The following PMS1 variants were observed in gnomAD, a reference collection of about 807,000 sequenced individuals.
PMS1 encodes the protein PMS1 homolog 1, mismatch repair system component, also known as PMS1 protein homolog 1.
Under a neutral mutation model 93.1 loss-of-function variants are expected in PMS1, and 79 were observed. The ratio of observed to expected loss-of-function variants is 0.85; its 90% CI spans 0.71 to 1.02. PMS1 has a LOEUF of 1.02. Ranked by LOEUF, PMS1 falls within the 50% of genes least tolerant of loss-of-function variation. The pLI is 0.00. For missense variants in PMS1, 1,064 were observed against 1,085.3 expected (o/e 0.98, Z 0.28); for synonymous variants, 335 against 363.4 (o/e 0.92, Z 0.89).
At chr2:189,817,780 A>G (rs2051455402) in intron 4 of PMS1, among the ~76,000 whole-genome samples, 3 of 152,200 alleles carry the variant, frequency 2.0e-5, no homozygotes, top group Admixed American at 1.3e-4. Flanking sequence ...TGATAGAAGT[A>G]AGATTATACT....
chr2:189,831,977 C>T (rs546066872), intron 5 of PMS1, among the ~76,000 whole-genome samples: 3 of 152,110 alleles, frequency 2.0e-5, no homozygotes, highest in Admixed American at 6.5e-5. Flanking sequence ...ATGATCCTCC[C>T]GCCTCGGCCT....
chr2:189,876,738 G>C (rs1324986858), intron 12 of PMS1, among the ~76,000 whole-genome samples: 1 of 150,770 alleles, frequency 6.6e-6, no homozygotes, highest in African/African-American at 2.4e-5. Flanking sequence ...CTCCCATGTA[G>C]CTGGGACTAC....
intron 2 of PMS1, among the ~76,000 whole-genome samples, chr2:189,795,035 C>G (rs1416835361): frequency 6.6e-6 from 1 of 152,136 alleles, no homozygotes; most frequent in Non-Finnish European, 1.5e-5. Context: ...GCATTCAAGG[C>G]TACAGTGAGC....
chr2:189,827,001 T>A (rs1436456154), intron 5 of PMS1, among the ~76,000 whole-genome samples: 1 of 152,214 alleles, frequency 6.6e-6, no homozygotes, highest in Admixed American at 6.5e-5. Context: ...TTTTCACTTG[T>A]ATTCACATAT....
intron 9 of PMS1, among the ~76,000 whole-genome samples, chr2:189,863,157 G>C (rs1279725441): frequency 6.6e-6 from 1 of 151,670 alleles, no homozygotes; most frequent in Non-Finnish European, 1.5e-5. Context: ...CCTGCTTTTG[G>C]CTGTTCTTCA....
chr2:189,829,018 T>C (rs1185317696), intron 5 of PMS1, among the ~76,000 whole-genome samples: 1 of 152,178 alleles, frequency 6.6e-6, no homozygotes, highest in Admixed American at 6.5e-5. Flanking sequence ...CACCTCCCCT[T>C]TTACCTTTAT....
chr2:189,875,954 TCAAA>T (rs2057526105), intron 12 of PMS1, among the ~76,000 whole-genome samples: 1 of 42,284 alleles, frequency 2.4e-5, no homozygotes, highest in Admixed American at 3.3e-4. Flanking sequence ...AGACTCTGTC[TCAAA>T]AAAAAAAAAA....
intron 1 of PMS1, chr2:189,785,511 G>A (rs942926778): frequency 4.6e-5 from 7 of 152,148 alleles, no homozygotes; most frequent in African/African-American, 1.7e-4. Flanking sequence ...TACACATATG[G>A]TATAGAGTGC....
intron 10 of PMS1, among the ~76,000 whole-genome samples, chr2:189,866,211 G>T (rs2056643880): frequency 6.6e-6 from 1 of 152,078 alleles, no homozygotes; most frequent in Non-Finnish European, 1.5e-5. Flanking sequence ...TTTCTGAATG[G>T]CATTTTGTAA....
In PMS1 at chr2:189,843,960, C is replaced by G. The variant is rs370725311; in HGVS notation, c.583-4C>G. On this transcript the variant is annotated splice_polypyrimidine_tract_variant and splice_region_variant and intron_variant, in intron 5 of 12. Coordinates refer to ENST00000441310, the MANE Select transcript of PMS1 (RefSeq NM_000534.5). The stretch of plus-strand genomic sequence containing the variant: ...AAAGTTATCTATATCATTTTTGTCC[C>G]TAGGCAGTTATTTGGCAGAAAAGCA... 1 of 1,611,106 alleles carries G rather than the reference C, an allele frequency of 6.2e-7. No individual in the cohort carries two copies. The highest frequency in any genetic ancestry group is 1.7e-5 in the Admixed American group (1 of 60,000).
Position 189,854,902 on chromosome 2 carries a change from G to T in PMS1, c.1630G>T (p.Asp544Tyr), listed in dbSNP as rs751506189. Residue 544 changes from aspartate to tyrosine, a missense_variant, in exon 9 of 13, where the codon GAT becomes TAT. By Grantham distance (160) the Asp-to-Tyr change is radical. Transcript: ENST00000441310. ...CCCTGAACAAATGAATCTTAATGAA[G>T]ATTCATGTAACAAAAAATCAAATGT... ...PIPEQMNLNEDSCNKKSNVID... is the reference protein window; with the variant it reads ...PIPEQMNLNEYSCNKKSNVID... 2 of 1,604,306 alleles carry T rather than the reference G, an allele frequency of 1.2e-6. No individual in the cohort carries two copies. The highest frequency in any genetic ancestry group is 1.1e-5 in the South Asian group (1 of 90,392).
In PMS1 at chr2:189,795,962, T is replaced by C; in HGVS notation, c.315+11T>C. On this transcript the variant is annotated intron_variant, in intron 3 of 12. Transcript: ENST00000441310. ...TGTTGTATAGCTGAGGTAAGGTAAT[T>C]ATATTGGTTATTTTAGTGATTTCAT... 6.4e-7 allele frequency: 1 copy of C among 1,557,158 alleles called. No individual in the cohort carries two copies. The highest frequency in any genetic ancestry group is 1.7e-5 in the Admixed American group (1 of 59,972).
At chr2:189,823,964 G>T (rs772077311) in intron 5 of PMS1, among the ~76,000 whole-genome samples, 1 of 152,078 alleles carries the variant, frequency 6.6e-6, no homozygotes, top group Non-Finnish European at 1.5e-5. Context: ...AGAAGTAGAA[G>T]AAATGAAAAT....
In PMS1 at chr2:189,863,778, A is replaced by G. The variant is rs2106508520; in HGVS notation, c.1892A>G (p.Tyr631Cys). The change falls in exon 10 of 13, where the codon TAC (tyrosine) becomes TGC (cysteine). Residue 631 changes from tyrosine (Y) to cysteine (C), a missense_variant. Physicochemically the swap from Tyr to Cys is radical, Grantham distance 194. Transcript: ENST00000441310. ...EEKATKDLER[Y>C]NSQMKRAIEQ... ...AAGGCTACTAAAGACTTGGAACGAT[A>G]CAATAGTCAAATGAAGAGAGCCATT... 1.2e-6 allele frequency: 2 copies of G among 1,607,506 alleles called. No homozygotes were observed. The highest frequency in any genetic ancestry group is 1.7e-6 in the Non-Finnish European group (2 of 1,174,038).
chr2:189,801,000 C>G (rs182178601), intron 3 of PMS1, among the ~76,000 whole-genome samples: 10 of 152,050 alleles, frequency 6.6e-5, no homozygotes, highest in African/African-American at 2.2e-4. Flanking sequence ...AGAAGTAAAG[C>G]ATTATTTTTG....
At chr2:189,834,920 G>C (rs933190478) in intron 5 of PMS1, among the ~76,000 whole-genome samples, 9 of 152,140 alleles carry the variant, frequency 5.9e-5, no homozygotes, top group Non-Finnish European at 1.0e-4. Flanking sequence ...TGTAGAGACA[G>C]GGTCTCACTG....
In PMS1 at chr2:189,855,752, A is replaced by G. The variant is rs2055255789; in HGVS notation, c.1856+624A>G. The stretch of plus-strand genomic sequence containing the variant: ...GATTTGATCTGTCTTTGATTAAAAT[A>G]GTATTTGCCATATTTAAATTAGATT... On this transcript the variant is annotated intron_variant, in intron 9 of 12. Coordinates refer to ENST00000441310, the MANE Select transcript of PMS1 (RefSeq NM_000534.5). 4 of 255,310 alleles carry G rather than the reference A, an allele frequency of 1.6e-5. No homozygotes were observed. The Admixed American group carries it at 2.0e-4, about 13-fold the overall frequency. The allele number at this position is 255,310 out of a possible 1,614,324, so 15.8% of individuals were successfully genotyped here. A position where few individuals can be genotyped will look rare whatever the true frequency, so the allele number is the denominator to read the frequency against.
chr2:189,828,268 A>G (rs2052623405), intron 5 of PMS1, among the ~76,000 whole-genome samples: 1 of 152,180 alleles, frequency 6.6e-6, no homozygotes. Flanking sequence ...TAGGGACACT[A>G]TAGCAAATAA....
intron 4 of PMS1, among the ~76,000 whole-genome samples, chr2:189,811,227 C>T (rs1285546784): frequency 6.8e-6 from 1 of 148,004 alleles, no homozygotes; most frequent in Non-Finnish European, 1.5e-5. Flanking sequence ...ATTAAATGGT[C>T]TAACATGCCT....
Sources: gnomAD v4.1 joint callset for allele counts (sites outside exome capture counted in the v4.1 genomes callset) on GRCh38, gnomAD v4.1.1 for gene constraint, MANE v1.5 for transcripts, NCBI Gene and HGNC (gene_info 2026-07-23, HGNC 2026-07-21) for gene names.